GNAL: variants seen among roughly 807,000 people sequenced by gnomAD.
GNAL encodes guanine nucleotide-binding protein G(olf) subunit alpha.
GNAL carries 18 observed loss-of-function variants against 55.1 expected under a neutral mutation model. That is an observed-to-expected ratio of 0.33 (90% confidence interval 0.23 to 0.48). The LOEUF (loss-of-function observed/expected upper bound fraction) is 0.48. Ranked by LOEUF, GNAL falls within the 20% of genes least tolerant of loss-of-function variation. The probability of loss-of-function intolerance (pLI) is 0.99; values close to 1 mark genes in which losing one functional copy is unlikely to be tolerated. For synonymous variants in GNAL, 253 were observed against 237.0 expected, an observed-to-expected ratio of 1.07 and a Z score of -0.62; for missense variants, 412 against 614.1, an observed-to-expected ratio of 0.67 and a Z score of 3.48.
At chr18:11,726,902 A>G (rs1207381704) in intron 1 of GNAL, among the ~76,000 whole-genome samples, 1 of 152,082 alleles carries the variant, frequency 6.6e-6, no homozygotes, top group Non-Finnish European at 1.5e-5. Context: ...TGCTGGTTGG[A>G]CAGAATGGGA....
chr18:11,741,036 T>C (rs991807737), intron 1 of GNAL, among the ~76,000 whole-genome samples: 2 of 152,248 alleles, frequency 1.3e-5, no homozygotes, highest in African/African-American at 4.8e-5. Flanking sequence ...CTTTAAACTC[T>C]GTAACTAAAC....
At chr18:11,824,880 C>CAT in intron 4 of GNAL, 38 bp from the exon 5 acceptor site, 1 of 1,028,252 alleles carries the variant, frequency 9.7e-7, no homozygotes, top group Non-Finnish European at 1.5e-6. Context: ...GGTTATTACA[C>CAT]TTTTTTTTTT....
At chr18:11,789,307 G>A (rs2143418630) in intron 4 of GNAL, among the ~76,000 whole-genome samples, 1 of 152,226 alleles carries the variant, frequency 6.6e-6, no homozygotes, top group African/African-American at 2.4e-5. Context: ...CAGATACTCA[G>A]GTATTTAAAT....
intron 1 of GNAL, among the ~76,000 whole-genome samples, chr18:11,729,298 C>T (rs2032282452): frequency 1.1e-4 from 17 of 152,106 alleles, no homozygotes; most frequent in Admixed American, 1.1e-3. Context: ...CCTCTTGCCC[C>T]ACCTGTGTGG....
intron 4 of GNAL, among the ~76,000 whole-genome samples, chr18:11,823,833 G>A (rs1289575586): frequency 6.6e-6 from 1 of 152,102 alleles, no homozygotes; most frequent in East Asian, 1.9e-4. Context: ...GAACATTTAC[G>A]TAACTTCTTT....
intron 9 of GNAL, among the ~76,000 whole-genome samples, chr18:11,871,989 G>A (rs978718911): frequency 1.3e-5 from 2 of 152,298 alleles, no homozygotes; most frequent in South Asian, 2.1e-4. Flanking sequence ...CAAATGCTCC[G>A]ACAAGCATTT....
chr18:11,696,943 G>T (rs550213848), intron 1 of GNAL, among the ~76,000 whole-genome samples: 6 of 152,168 alleles, frequency 3.9e-5, no homozygotes, highest in Non-Finnish European at 8.8e-5. Flanking sequence ...GACCTTGTCC[G>T]AGGCCCTTAG....
rs564851359 is a variant in GNAL at position 11,739,627 on chromosome 18, C to A, written c.377-13226C>A. Among the ~76,000 whole-genome samples the A allele has an allele frequency of 5.3e-5, 8 of 152,152 alleles. No homozygotes were observed. In the South Asian group the frequency reaches 6.2e-4, roughly 12 times the overall value. On this transcript the variant is annotated intron_variant, in intron 1 of 11. Coordinates refer to ENST00000334049, the MANE Select transcript of GNAL (RefSeq NM_182978.4). ...ATGACATTGGCATTAGTGAAGAATA[C>A]AGGTCCCTTTCCTTTTTTTTTTTTT...
intron 4 of GNAL, among the ~76,000 whole-genome samples, chr18:11,765,931 C>G (rs546380082): frequency 3.3e-5 from 5 of 152,292 alleles, no homozygotes; most frequent in African/African-American, 1.2e-4. Flanking sequence ...TCTCTAAGGA[C>G]CCTTGCTCTT....
intron 5 of GNAL, among the ~76,000 whole-genome samples, chr18:11,825,445 A>G (rs2035214961): frequency 6.6e-6 from 1 of 152,180 alleles, no homozygotes; most frequent in South Asian, 2.1e-4. Flanking sequence ...GAAGTATACC[A>G]GAAGGCTGGG....
Position 11,691,302 on chromosome 18 carries a change from G to T in GNAL, c.376+1363G>T, listed in dbSNP as rs547834549. 7.3e-5 allele frequency among the ~76,000 whole-genome samples: 11 copies of T among 150,598 alleles called. No individual in the cohort carries two copies. In the East Asian group the frequency reaches 1.2e-3, roughly 16 times the overall value. On this transcript the variant is annotated intron_variant, in intron 1 of 11. Coordinates refer to ENST00000334049, the MANE Select transcript of GNAL (RefSeq NM_182978.4). ...CATGTCCTTTGCCCACTTTTTGATG[G>T]GGTTGTTTGTTTTTTTCTTGTAAAT...
chr18:11,698,001 A>G (rs1035899115), intron 1 of GNAL, among the ~76,000 whole-genome samples: 19 of 152,112 alleles, frequency 1.2e-4, no homozygotes, highest in Admixed American at 6.5e-5. Flanking sequence ...CGGAGAGGAC[A>G]TGCCACCTAG....
chr18:11,836,602 CACTA>C (rs1160472074), intron 5 of GNAL, among the ~76,000 whole-genome samples: 4 of 152,186 alleles, frequency 2.6e-5, no homozygotes, highest in Non-Finnish European at 5.9e-5. Flanking sequence ...GTAATCCTCA[CACTA>C]ACCCAATGAG....
intron 4 of GNAL, among the ~76,000 whole-genome samples, chr18:11,776,361 A>G (rs1042367579): frequency 6.6e-5 from 10 of 152,192 alleles, no homozygotes; most frequent in African/African-American, 2.2e-4. Flanking sequence ...GAGGGTTCAC[A>G]CTTGTAAGAG....
Position 11,885,081 on chromosome 18 carries a change from T to TTC in GNAL, c.*3948_*3949dup. On this transcript the variant is annotated 3_prime_UTR_variant, in exon 12 of 12. Transcript: ENST00000334049. ...GTGTCCAGGTCGTCTCCATGGGCTT[T>TTC]TCTTTGCAGATACTTTTATGTGGAA... is the stretch of plus-strand genomic sequence containing the variant. The TTC allele has an allele frequency of 7.9e-7, 1 of 1,267,646 alleles. No homozygotes were observed. The highest frequency in any genetic ancestry group is 1.5e-5 in the African/African-American group (1 of 64,838). The allele number at this position is 1,267,646 out of a possible 1,614,324, so 78.5% of individuals were successfully genotyped here. A position where few individuals can be genotyped will look rare whatever the true frequency, so the allele number is the denominator to read the frequency against.
intron 1 of GNAL, among the ~76,000 whole-genome samples, chr18:11,728,406 T>C (rs2032262182): frequency 1.3e-5 from 2 of 152,128 alleles, no homozygotes. Flanking sequence ...TCACAGCCAG[T>C]GTCATGTAAG....
chr18:11,694,309 G>T (rs1000953357), intron 1 of GNAL, among the ~76,000 whole-genome samples: 1 of 152,132 alleles, frequency 6.6e-6, no homozygotes, highest in Non-Finnish European at 1.5e-5. Context: ...GAGCACTGGG[G>T]TACATTGCTC....
intron 1 of GNAL, among the ~76,000 whole-genome samples, chr18:11,694,487 G>A (rs566432372): frequency 1.3e-5 from 2 of 152,312 alleles, no homozygotes; most frequent in South Asian, 2.1e-4. Context: ...TTTAGATGGA[G>A]CATGGTTGAA....
At chr18:11,747,628 TA>T (rs1443305556) in intron 1 of GNAL, 1 of 146,952 alleles carries the variant, frequency 6.8e-6, no homozygotes, top group Non-Finnish European at 1.5e-5. Flanking sequence ...TGGGGATGGA[TA>T]GGGGTACTGG....
Sources: allele counts gnomAD v4.1 joint callset (sites outside exome capture counted in the v4.1 genomes callset), GRCh38; gene constraint gnomAD v4.1.1; transcripts MANE v1.5; gene names NCBI Gene and HGNC (gene_info 2026-07-23, HGNC 2026-07-21).